GBE1: variants seen among roughly 807,000 people sequenced by gnomAD.
GBE1 encodes 1,4-alpha-glucan branching enzyme 1.
GBE1 carries 70 observed loss-of-function variants against 88.8 expected under a neutral mutation model. That is an observed-to-expected ratio of 0.79 (90% CI 0.65 to 0.96). The LOEUF (loss-of-function observed/expected upper bound fraction) is 0.96. GBE1 is among the 40% of genes least tolerant of loss of function. The pLI, the probability that GBE1 is intolerant of heterozygous loss-of-function variation, is 0.00. For synonymous variants in GBE1, 284 were observed against 300.1 expected (o/e 0.95, Z 0.56); for missense variants, 872 against 871.0 (o/e 1.00, Z -0.01).
chr3:81,646,290 C>A, intron 6 of GBE1, 102 bp downstream of exon 6: 1 of 752,824 alleles, frequency 1.3e-6, no homozygotes, highest in Non-Finnish European at 2.3e-6. Flanking sequence ...CTCTGTTAAC[C>A]CTAAAAGGTT....
chr3:81,665,535 CA>C (rs1244162448), intron 3 of GBE1, among the ~76,000 whole-genome samples: 9,726 of 90,008 alleles, frequency 0.11, 511 homozygotes, highest in African/African-American at 0.24. Flanking sequence ...GACTCCGTCT[CA>C]AAAAAAAAAA....
chr3:81,555,727 G>A (rs896113731), intron 12 of GBE1, among the ~76,000 whole-genome samples: 8 of 152,132 alleles, frequency 5.3e-5, no homozygotes, highest in Non-Finnish European at 1.2e-4. Flanking sequence ...TGCAAAGCCT[G>A]ATTTTGCCTA....
chr3:81,628,405 G>A (rs1203651122), intron 7 of GBE1, among the ~76,000 whole-genome samples: 1 of 151,998 alleles, frequency 6.6e-6, no homozygotes, highest in Non-Finnish European at 1.5e-5. Context: ...ATGGAATCTT[G>A]TGGACTCTAA....
At chr3:81,677,863 T>A (rs1705283556) in intron 2 of GBE1, among the ~76,000 whole-genome samples, 2 of 152,158 alleles carry the variant, frequency 1.3e-5, no homozygotes, top group South Asian at 4.1e-4. Flanking sequence ...TTAGTTTAGC[T>A]TAGGTGTGGT....
At chr3:81,553,720 G>T (rs2106898835) in intron 12 of GBE1, among the ~76,000 whole-genome samples, 1 of 150,872 alleles carries the variant, frequency 6.6e-6, no homozygotes, top group African/African-American at 2.4e-5. Context: ...AAGTACAATG[G>T]GGTAGAAAGG....
intron 11 of GBE1, among the ~76,000 whole-genome samples, chr3:81,580,314 A>G (rs2106937052): frequency 6.6e-6 from 1 of 152,202 alleles, no homozygotes; most frequent in South Asian, 2.1e-4. Flanking sequence ...GGAAATAGAA[A>G]GACAATGAAA....
chr3:81,639,148 T>C (rs1251132399), intron 7 of GBE1, among the ~76,000 whole-genome samples: 1 of 152,268 alleles, frequency 6.6e-6, no homozygotes, highest in African/African-American at 2.4e-5. Context: ...GTAGCTATTT[T>C]ATGAAGAGGG....
intron 14 of GBE1, among the ~76,000 whole-genome samples, chr3:81,509,302 T>C (rs1177608106): frequency 1.3e-5 from 2 of 150,900 alleles, no homozygotes; most frequent in Non-Finnish European, 3.0e-5. Flanking sequence ...GTCTTTTTTT[T>C]TTTTTTTTTA....
intron 2 of GBE1, among the ~76,000 whole-genome samples, chr3:81,685,755 T>C (rs60401337): frequency 6.6e-6 from 1 of 152,166 alleles, no homozygotes; most frequent in Non-Finnish European, 1.5e-5. Flanking sequence ...GCCCTCAAGC[T>C]CTTTAGTCTC....
intron 15 of GBE1, among the ~76,000 whole-genome samples, chr3:81,494,474 C>T (rs1424980355): frequency 6.6e-6 from 1 of 152,052 alleles, no homozygotes; most frequent in African/African-American, 2.4e-5. Flanking sequence ...GATTTAAACA[C>T]AATCATTTAA....
intron 12 of GBE1, among the ~76,000 whole-genome samples, chr3:81,577,080 A>G (rs1003337547): frequency 6.6e-6 from 1 of 151,902 alleles, no homozygotes; most frequent in Non-Finnish European, 1.5e-5. Flanking sequence ...GCTAGGGTAC[A>G]GGCACGCACC....
intron 2 of GBE1, among the ~76,000 whole-genome samples, chr3:81,687,355 T>C (rs559385077): frequency 1.3e-5 from 2 of 152,254 alleles, no homozygotes; most frequent in South Asian, 4.1e-4. Flanking sequence ...GGATTCAAAG[T>C]ATGGATCTGT....
intron 14 of GBE1, among the ~76,000 whole-genome samples, chr3:81,501,615 T>C (rs1221332994): frequency 1.3e-5 from 2 of 151,256 alleles, no homozygotes; most frequent in African/African-American, 4.9e-5. Flanking sequence ...TTACAATTTT[T>C]AAAATGTTAT....
At chr3:81,666,769 G>A (rs1363431715) in intron 3 of GBE1, among the ~76,000 whole-genome samples, 1 of 152,038 alleles carries the variant, frequency 6.6e-6, no homozygotes, top group Non-Finnish European at 1.5e-5. Flanking sequence ...CTCAAATACA[G>A]AACTTATCTA....
At chr3:81,548,749 A>G (rs1002132061) in intron 12 of GBE1, among the ~76,000 whole-genome samples, 2 of 150,874 alleles carry the variant, frequency 1.3e-5, no homozygotes, top group Non-Finnish European at 3.0e-5. Context: ...TAGAGAAAAA[A>G]CATTAAGGAC....
chr3:81,596,820 C>T (rs1703963046), intron 7 of GBE1, among the ~76,000 whole-genome samples: 1 of 151,802 alleles, frequency 6.6e-6, no homozygotes, highest in Admixed American at 6.6e-5. Context: ...AGAATGAAAA[C>T]AATAATCTCA....
At chr3:81,618,942 A>G (rs1050454878) in intron 7 of GBE1, among the ~76,000 whole-genome samples, 1 of 151,958 alleles carries the variant, frequency 6.6e-6, no homozygotes, top group African/African-American at 2.4e-5. Context: ...TACCTAATAT[A>G]CTTTTGGAAA....
intron 14 of GBE1, among the ~76,000 whole-genome samples, chr3:81,515,552 C>A (rs1224345688): frequency 6.6e-6 from 1 of 151,418 alleles, no homozygotes; most frequent in Non-Finnish European, 1.5e-5. Context: ...AATAACCCTA[C>A]AATAGCCTCT....
intron 2 of GBE1, among the ~76,000 whole-genome samples, chr3:81,703,542 T>C (rs2680251): frequency 0.016 from 2,412 of 152,136 alleles, 58 homozygotes; most frequent in African/African-American, 0.054. Context: ...TTATTTTATC[T>C]TAAGTTATTA....
Sources: allele counts gnomAD v4.1 joint callset (sites outside exome capture counted in the v4.1 genomes callset), GRCh38; gene constraint gnomAD v4.1.1; transcripts MANE v1.5; gene names NCBI Gene and HGNC (gene_info 2026-07-23, HGNC 2026-07-21).